Variants in CLDN16 observed in about 807,000 individuals in gnomAD.
The protein encoded by CLDN16 is claudin-16.
A neutral mutation model predicts 24.6 loss-of-function variants in CLDN16; 13 were observed. That is an observed-to-expected ratio of 0.53 (90% CI 0.34 to 0.84). The LOEUF (loss-of-function observed/expected upper bound fraction) is 0.84. Among genes scored for constraint, CLDN16 ranks in the 40% least tolerant of loss-of-function variants. CLDN16 has a pLI of 0.01. For synonymous variants in CLDN16, 116 were observed against 106.7 expected (o/e 1.09, Z -0.54); for missense variants, 298 against 292.7 (o/e 1.02, Z -0.13).
At chr3:190,360,539 C>A (rs893107563) in intron 1 of CLDN16, among the ~76,000 whole-genome samples, 1 of 151,872 alleles carries the variant, frequency 6.6e-6, no homozygotes, top group Non-Finnish European at 1.5e-5. Context: ...GTGATAAGAA[C>A]AAAATGTAGC....
chr3:190,344,882 T>C (rs1717518916), intron 1 of CLDN16, among the ~76,000 whole-genome samples: 1 of 152,130 alleles, frequency 6.6e-6, no homozygotes, highest in Non-Finnish European at 1.5e-5. Flanking sequence ...AAGGGTCAGG[T>C]AGCTGTATTT....
intron 1 of CLDN16, among the ~76,000 whole-genome samples, chr3:190,351,953 G>A (rs1717679816): frequency 6.6e-6 from 1 of 151,996 alleles, no homozygotes; most frequent in African/African-American, 2.4e-5. Context: ...GAATATCAGG[G>A]AGAGCTCTAG....
chr3:190,376,907 T>A (rs1341295235), intron 3 of CLDN16, among the ~76,000 whole-genome samples: 6 of 152,006 alleles, frequency 3.9e-5, no homozygotes, highest in Non-Finnish European at 8.8e-5. Context: ...GCATCTGATG[T>A]TTAATAGCAA....
At chr3:190,380,144 T>TCCTTCCTTC (rs1560091466) in intron 3 of CLDN16, among the ~76,000 whole-genome samples, 1,431 of 12,294 alleles carry the variant, frequency 0.12, 347 homozygotes, top group Non-Finnish European at 0.14. Context: ...TCCTTCCTTT[T>TCCTTCCTTC]CTTCCTTCCC....
At chr3:190,290,537 C>T in the CLDN16 span, among the ~76,000 whole-genome samples, 5 of 152,172 alleles carry the variant, frequency 3.3e-5, no homozygotes, top group African/African-American at 7.2e-5. Context: ...TCACCATTTT[C>T]GTTTCCATAA....
intron 1 of CLDN16, among the ~76,000 whole-genome samples, chr3:190,364,065 A>T (rs201487647): frequency 6.6e-6 from 1 of 151,530 alleles, no homozygotes; most frequent in East Asian, 2.0e-4. Flanking sequence ...GGTCCTTTTT[A>T]TTTTTTTTGG....
At chr3:190,358,375 C>G (rs1717820604) in intron 1 of CLDN16, among the ~76,000 whole-genome samples, 1 of 151,950 alleles carries the variant, frequency 6.6e-6, no homozygotes, top group Non-Finnish European at 1.5e-5. Context: ...GCATTCATTT[C>G]TCCAATTCAG....
At chr3:190,353,045 G>T (rs7431797) in intron 1 of CLDN16, among the ~76,000 whole-genome samples, 1 of 152,016 alleles carries the variant, frequency 6.6e-6, no homozygotes, top group East Asian at 1.9e-4. Context: ...CCAATAGTAA[G>T]TGTTCATTAA....
rs1007799900 is a variant in CLDN16, at chr3:190,411,250, C to G, written c.*1214C>G. ...ACTCCAGTCTGGCAACAGAGCGAGA[C>G]TCCATCTCAAAAAACAAAAATAAAT... On this transcript the variant is annotated 3_prime_UTR_variant, in exon 5 of 5. Transcript: ENST00000264734. 2 of 152,122 alleles carry G rather than the reference C, an allele frequency of 1.3e-5. No individual in the cohort carries two copies. Among genetic ancestry groups the G allele is most frequent in the East Asian group, 3.8e-4 (2 of 5,200 alleles). The allele number at this position is 152,122 out of a possible 1,614,324, so 9.4% of individuals were successfully genotyped here.
intron 1 of CLDN16, among the ~76,000 whole-genome samples, chr3:190,394,336 G>A (rs1718761154): frequency 6.6e-6 from 1 of 152,064 alleles, no homozygotes; most frequent in South Asian, 2.1e-4. Flanking sequence ...ATTATTTATT[G>A]AGAACCTGCT....
chr3:190,351,094 G>GT (rs1717663413), intron 1 of CLDN16, among the ~76,000 whole-genome samples: 2 of 151,948 alleles, frequency 1.3e-5, no homozygotes, highest in South Asian at 4.2e-4. Flanking sequence ...ATCCGGTTGT[G>GT]TAAAAGACTG....
intron 1 of CLDN16, among the ~76,000 whole-genome samples, chr3:190,361,837 G>A (rs1052072536): frequency 1.1e-4 from 17 of 151,868 alleles, no homozygotes; most frequent in Middle Eastern, 3.2e-3. Flanking sequence ...GCTAGCTGGG[G>A]GCCAGACATG....
At chr3:190,401,561 T>C (rs935758211) in intron 1 of CLDN16, among the ~76,000 whole-genome samples, 1 of 152,190 alleles carries the variant, frequency 6.6e-6, no homozygotes, top group Non-Finnish European at 1.5e-5. Context: ...AAATCTATTG[T>C]GACTTACGGT....
chr3:190,296,530 T>C, the CLDN16 span, among the ~76,000 whole-genome samples: 1 of 151,078 alleles, frequency 6.6e-6, no homozygotes. Flanking sequence ...GATGGGAAAG[T>C]AGCTAATGTC....
chr3:190,335,873 A>G (rs1402158378), intron 1 of CLDN16, among the ~76,000 whole-genome samples: 2 of 152,156 alleles, frequency 1.3e-5, no homozygotes, highest in African/African-American at 4.8e-5. Flanking sequence ...AGCAGACTCT[A>G]AAGATTTAAT....
At chr3:190,339,947 A>G (rs1717391595) in intron 1 of CLDN16, among the ~76,000 whole-genome samples, 1 of 152,236 alleles carries the variant, frequency 6.6e-6, no homozygotes, top group Non-Finnish European at 1.5e-5. Context: ...TCAACAGCAT[A>G]TCAGAAAGAT....
At chr3:190,386,345 T>A (rs759705972), upstream of CLDN16, among the ~76,000 whole-genome samples, 1 of 152,190 alleles carries the variant, frequency 6.6e-6, no homozygotes, top group African/African-American at 2.4e-5. Context: ...CAGATAGTTA[T>A]AACGATCGCT....
At chr3:190,333,538 CT>C (rs1717228393) in intron 1 of CLDN16, among the ~76,000 whole-genome samples, 12 of 34,570 alleles carry the variant, frequency 3.5e-4, no homozygotes, top group African/African-American at 1.1e-3. Flanking sequence ...TATCATCTAT[CT>C]ATCTATCTAT....
chr3:190,400,235 GT>G (rs567884768), intron 1 of CLDN16, among the ~76,000 whole-genome samples: 2 of 150,692 alleles, frequency 1.3e-5, no homozygotes, highest in East Asian at 2.0e-4. Context: ...TTACCTCGAG[GT>G]TTTTTTTTCT....
Sources: allele counts gnomAD v4.1 joint callset (sites outside exome capture counted in the v4.1 genomes callset), GRCh38; gene constraint gnomAD v4.1.1; transcripts MANE v1.5; gene names NCBI Gene and HGNC (gene_info 2026-07-23, HGNC 2026-07-21).